DSCAM: variants seen among roughly 807,000 people sequenced by gnomAD.
DSCAM encodes the protein cell adhesion molecule DSCAM.
DSCAM carries 47 observed loss-of-function variants against 217.7 expected under a neutral mutation model. The observed-to-expected ratio is 0.22, with a 90% CI of 0.17 to 0.28. The LOEUF (loss-of-function observed/expected upper bound fraction) is 0.28, where lower values mean the gene tolerates loss of function less well. DSCAM is among the 10% of genes least tolerant of loss of function. DSCAM has a pLI of 1.00. For missense variants in DSCAM, 2,080 were observed against 2,618.3 expected (o/e 0.79, Z 4.49); for synonymous variants, 1,056 against 1,015.3 (o/e 1.04, Z -0.76).
At chr21:40,142,785 A>C in intron 17 of DSCAM, 81 bp from the exon 18 acceptor site, 3 of 1,485,770 alleles carry the variant, frequency 2.0e-6, no homozygotes, top group Non-Finnish European at 2.7e-6. Flanking sequence ...ACGTATTTTA[A>C]TATTTCAATA....
intron 3 of DSCAM, among the ~76,000 whole-genome samples, chr21:40,625,177 A>T (rs1260366008): frequency 6.6e-6 from 1 of 152,194 alleles, no homozygotes; most frequent in Non-Finnish European, 1.5e-5. Flanking sequence ...AGAGATGTTG[A>T]TGAAGTTCAA....
At chr21:40,478,379 T>C (rs369473944) in intron 3 of DSCAM, among the ~76,000 whole-genome samples, 2 of 152,188 alleles carry the variant, frequency 1.3e-5, no homozygotes, top group Admixed American at 6.5e-5. Context: ...TTTGGGGACA[T>C]AGCTGGGAGT....
chr21:40,456,414 C>T (rs1809322585), intron 3 of DSCAM, among the ~76,000 whole-genome samples: 1 of 151,786 alleles, frequency 6.6e-6, no homozygotes. Context: ...CTCAAGAAAA[C>T]AAAATGTTAT....
At chr21:40,017,801 C>G (rs111343994) in intron 32 of DSCAM, among the ~76,000 whole-genome samples, 7,512 of 152,302 alleles carry the variant, frequency 0.049, 260 homozygotes, top group Non-Finnish European at 0.074. Context: ...ATCCACCCGC[C>G]TCAGCCTCCC....
At position 40,585,682 on chromosome 21, in the gene DSCAM, C is replaced by G. The variant is rs1271896710; in HGVS notation, c.508+107128G>C. ...AAGTTGTAGGTCGAAATTTGATTCC[C>G]AGTGTTGGAGGTGGGGCCTAGTGAG... On this transcript the variant is annotated intron_variant, in intron 3 of 32. Coordinates refer to ENST00000400454, the MANE Select transcript of DSCAM (RefSeq NM_001389.5). 2.0e-5 allele frequency among the ~76,000 whole-genome samples: 3 copies of G among 152,052 alleles called. No individual in the cohort carries two copies. In the East Asian group the frequency reaches 5.8e-4, roughly 29 times the overall value.
At chr21:40,442,301 G>C (rs763592589) in intron 3 of DSCAM, among the ~76,000 whole-genome samples, 12 of 151,760 alleles carry the variant, frequency 7.9e-5, no homozygotes, top group Non-Finnish European at 1.5e-4. Flanking sequence ...TGGATGTTGA[G>C]GTCAAAATGG....
intron 16 of DSCAM, among the ~76,000 whole-genome samples, chr21:40,165,108 G>A (rs899286323): frequency 6.6e-6 from 1 of 152,126 alleles, no homozygotes; most frequent in Non-Finnish European, 1.5e-5. Context: ...GACTTCCCAC[G>A]ACTGCATATG....
chr21:40,480,593 CTA>C (rs909260878), intron 3 of DSCAM, among the ~76,000 whole-genome samples: 7 of 152,160 alleles, frequency 4.6e-5, no homozygotes, highest in Non-Finnish European at 4.4e-5. Flanking sequence ...GTATTGAAAC[CTA>C]TCTTCATGTG....
chr21:40,096,340 G>C (rs2089676526), intron 20 of DSCAM, among the ~76,000 whole-genome samples: 1 of 152,042 alleles, frequency 6.6e-6, no homozygotes, highest in Non-Finnish European at 1.5e-5. Flanking sequence ...ATAAAACCAA[G>C]CTGTGCTCGG....
chr21:40,309,897 A>G (rs1240744369), intron 9 of DSCAM, among the ~76,000 whole-genome samples: 2 of 152,192 alleles, frequency 1.3e-5, no homozygotes, highest in South Asian at 4.1e-4. Flanking sequence ...TAGTGTGACA[A>G]CTAAAAAGAT....
At chr21:40,401,184 G>A (rs1267097458) in intron 3 of DSCAM, among the ~76,000 whole-genome samples, 1 of 152,122 alleles carries the variant, frequency 6.6e-6, no homozygotes, top group Non-Finnish European at 1.5e-5. Context: ...ACAGTAACAG[G>A]AAAAGTAACT....
intron 9 of DSCAM, among the ~76,000 whole-genome samples, chr21:40,309,600 C>A (rs1478742507): frequency 6.6e-6 from 1 of 152,106 alleles, no homozygotes. Flanking sequence ...TTGTCAATAC[C>A]GTTCTTCCTC....
intron 3 of DSCAM, among the ~76,000 whole-genome samples, chr21:40,579,110 C>G (rs1168033567): frequency 1.3e-5 from 2 of 152,000 alleles, no homozygotes; most frequent in Non-Finnish European, 2.9e-5. Flanking sequence ...TCAACATAAC[C>G]AAAGGGGAAC....
chr21:40,471,936 C>T (rs2075892344), intron 3 of DSCAM, among the ~76,000 whole-genome samples: 1 of 152,072 alleles, frequency 6.6e-6, no homozygotes, highest in East Asian at 1.9e-4. Context: ...AATGCTATTC[C>T]TCCCCGTTCT....
chr21:40,585,331 T>A (rs2076937150), intron 3 of DSCAM, among the ~76,000 whole-genome samples: 1 of 51,210 alleles, frequency 2.0e-5, no homozygotes, highest in Admixed American at 2.8e-4. Context: ...TAAAGAAAAA[T>A]GCTGCGTGAA....
chr21:40,308,101 A>T (rs1226158834), intron 9 of DSCAM, among the ~76,000 whole-genome samples: 1 of 152,166 alleles, frequency 6.6e-6, no homozygotes, highest in Non-Finnish European at 1.5e-5. Flanking sequence ...TAAAATAAAA[A>T]AACACAACAA....
chr21:40,785,554 G>A (rs1035336134), intron 1 of DSCAM, among the ~76,000 whole-genome samples: 10 of 152,204 alleles, frequency 6.6e-5, no homozygotes, highest in Non-Finnish European at 1.2e-4. Flanking sequence ...TAAGGCTTTC[G>A]TATGCTGCCT....
chr21:40,378,820 C>T (rs1240161118), intron 3 of DSCAM, among the ~76,000 whole-genome samples: 1 of 151,810 alleles, frequency 6.6e-6, no homozygotes, highest in African/African-American at 2.4e-5. Context: ...GTCTCGATCT[C>T]CTGACCTCGT....
chr21:40,557,472 A>G (rs996393751), intron 3 of DSCAM, among the ~76,000 whole-genome samples: 1 of 152,072 alleles, frequency 6.6e-6, no homozygotes, highest in Non-Finnish European at 1.5e-5. Context: ...CTCCTGCCTC[A>G]GCCTCCCAAG....
Sources: gnomAD v4.1 joint callset for allele counts (sites outside exome capture counted in the v4.1 genomes callset) on GRCh38, gnomAD v4.1.1 for gene constraint, MANE v1.5 for transcripts, NCBI Gene and HGNC (gene_info 2026-07-23, HGNC 2026-07-21) for gene names.